Variants in LRP8 observed in about 807,000 individuals in gnomAD.
LRP8 encodes low-density lipoprotein receptor-related protein 8.
Under a neutral mutation model 111.6 loss-of-function variants are expected in LRP8, and 46 were observed. That is an observed-to-expected ratio of 0.41 (90% CI 0.33 to 0.53). The LOEUF is 0.53. Among genes scored for constraint, LRP8 ranks in the 20% least tolerant of loss-of-function variants. The probability of loss-of-function intolerance (pLI) is 0.20; values close to 1 mark genes in which losing one functional copy is unlikely to be tolerated. For missense variants in LRP8, 959 were observed against 1,297.4 expected, an observed-to-expected ratio of 0.74 and a Z score of 4.01; for synonymous variants, 464 against 511.2, an observed-to-expected ratio of 0.91 and a Z score of 1.24.
At position 53,325,250 on chromosome 1, in the gene LRP8, A is replaced by C. The variant is rs77946448; in HGVS notation, c.244+1623T>G. On this transcript the variant is annotated intron_variant, in intron 2 of 18. Coordinates refer to ENST00000306052, the MANE Select transcript of LRP8 (RefSeq NM_004631.5). The stretch of plus-strand genomic sequence containing the variant: ...ACTCTAGAGTTAGATGCTTAAGTTC[A>C]GGCTCCTACTTAACAACTCAGTAGC... Among the ~76,000 whole-genome samples the C allele has an allele frequency of 1.2e-4, 19 of 152,372 alleles. No individual in the cohort carries two copies. In the East Asian group the frequency reaches 3.7e-3, roughly 29 times the overall value.
intron 2 of LRP8, among the ~76,000 whole-genome samples, chr1:53,322,889 C>A (rs1654696809): frequency 6.6e-6 from 1 of 152,142 alleles, no homozygotes; most frequent in Non-Finnish European, 1.5e-5. Context: ...TGGCCTTGCC[C>A]AGCTAATGAA....
At position 53,279,761 on chromosome 1, in the gene LRP8, G is replaced by A. The variant is rs1472396100; in HGVS notation, c.496+826C>T. ...TGACCGCCCGTATTTCAGCCCAGCC[G>A]CACAGCCTAGTAGCGACAGCCAGTC... On this transcript the variant is annotated intron_variant, in intron 4 of 18. Transcript: ENST00000306052. This position sits in a 1 kb window ranked among gnomAD's most constrained non-coding sequence, Gnocchi z 4.4. Among the ~76,000 whole-genome samples the A allele has an allele frequency of 6.6e-6, 1 of 152,200 alleles. No individual in the cohort carries two copies. Among genetic ancestry groups the A allele is most frequent in the Non-Finnish European group, 1.5e-5 (1 of 68,022 alleles).
At position 53,264,173 on chromosome 1, in the gene LRP8, G is replaced by T. The variant is rs1180830600; in HGVS notation, c.1651C>A (p.Arg551=). Residue 551 remains arginine (R), a synonymous_variant, in exon 10 of 19, where the codon CGA becomes AGA. Transcript: ENST00000306052. ...AAGTTCAGTTGGGACACTCACCCTC[G>T]CAGGGGGTCAACAGCGATGGCCCGG... is the stretch of plus-strand genomic sequence containing the variant. ...EPRAIAVDPL[R]GFMYWSDWGD... is the part of the protein sequence containing the mutation. The T allele has an allele frequency of 2.5e-6, 4 of 1,613,984 alleles. No individual in the cohort carries two copies. The highest frequency in any genetic ancestry group is 3.3e-4 in the Middle Eastern group (2 of 6,060).
chr1:53,325,613 C>T (rs1455749300), intron 2 of LRP8, among the ~76,000 whole-genome samples: 2 of 152,220 alleles, frequency 1.3e-5, no homozygotes, highest in Non-Finnish European at 2.9e-5. Context: ...GACACAAAGC[C>T]AACTTTGGGT....
At chr1:53,324,834 AC>A (rs1480487760) in intron 2 of LRP8, among the ~76,000 whole-genome samples, 1 of 152,058 alleles carries the variant, frequency 6.6e-6, no homozygotes, top group Non-Finnish European at 1.5e-5. Context: ...TGCTTTCCGC[AC>A]CACACTCCCC....
chr1:53,285,591 A>G (rs556734850), intron 3 of LRP8, among the ~76,000 whole-genome samples: 1 of 152,162 alleles, frequency 6.6e-6, no homozygotes, highest in African/African-American at 2.4e-5. Context: ...ACCATATGGA[A>G]ATCCCTACAC....
chr1:53,308,195 C>T (rs1028384134), intron 2 of LRP8, among the ~76,000 whole-genome samples: 1 of 152,244 alleles, frequency 6.6e-6, no homozygotes, highest in Admixed American at 6.5e-5. Flanking sequence ...TTGCTGAGCC[C>T]TACTGTGCAG....
intron 13 of LRP8, 152 bp from the exon 14 acceptor site, chr1:53,258,623 TC>T: frequency 1.5e-6 from 1 of 666,406 alleles, no homozygotes; most frequent in Non-Finnish European, 2.5e-6. Context: ...TCTTTTTTTA[TC>T]CCCCAAAGCT....
Position 53,275,525 on chromosome 1 carries a change from A to C in LRP8, c.1006+106T>G. On this transcript the variant is annotated intron_variant, in intron 6 of 18. Transcript: ENST00000306052. The surrounding 1 kb of genome is among the most constrained non-coding windows in gnomAD (Gnocchi z 4.4). ...CAAGTGATGCTCTGGGGGAAAATGC[A>C]TCTTGGGGACCAAGGGGAAACTCCT... is the stretch of plus-strand genomic sequence containing the variant. The C allele has an allele frequency of 1.4e-6, 2 of 1,469,460 alleles. No individual in the cohort carries two copies. The highest frequency in any genetic ancestry group is 1.3e-5 in the South Asian group (1 of 78,702). 91.0% of individuals were successfully genotyped at this position (1,469,460 alleles called of 1,614,324 possible).
intron 1 of LRP8, chr1:53,327,315 G>C: frequency 3.4e-6 from 1 of 295,896 alleles, no homozygotes; most frequent in Non-Finnish European, 6.3e-6. Flanking sequence ...GGGAGTCCCC[G>C]CGCCCGCGCG....
chr1:53,320,390 T>C (rs541234399), intron 2 of LRP8, among the ~76,000 whole-genome samples: 12 of 152,120 alleles, frequency 7.9e-5, no homozygotes, highest in East Asian at 3.9e-4. Flanking sequence ...CCACCCAGAA[T>C]TGAGGACACC....
chr1:53,258,645 A>C (rs1469586141), intron 13 of LRP8, among the ~76,000 whole-genome samples, 174 bp from the exon 14 acceptor site: 1 of 151,000 alleles, frequency 6.6e-6, no homozygotes, highest in East Asian at 1.9e-4. Flanking sequence ...TTTGGGATAC[A>C]CGTTTTTTGT....
At position 53,247,801 on chromosome 1, in the gene LRP8, T is replaced by G. The variant is rs148451439; in HGVS notation, c.2854-745A>C. ...TTCTACATAGGACAACCCTTGAAATTTATAGATGGTGTTTGAATTCCCTTC... is the reference window on the plus strand; with the variant it reads ...TTCTACATAGGACAACCCTTGAAATGTATAGATGGTGTTTGAATTCCCTTC... On this transcript the variant is annotated intron_variant, in intron 18 of 18. Coordinates refer to ENST00000306052, the MANE Select transcript of LRP8 (RefSeq NM_004631.5). Among the ~76,000 whole-genome samples the G allele has an allele frequency of 7.9e-5, 12 of 152,370 alleles. No homozygotes were observed. In the East Asian group the frequency reaches 2.3e-3, roughly 29 times the overall value.
At chr1:53,264,513 G>T in intron 9 of LRP8, 117 bp from the exon 10 acceptor site, 1 of 804,530 alleles carries the variant, frequency 1.2e-6, no homozygotes, top group Non-Finnish European at 2.0e-6. Context: ...ATTTTTAGAG[G>T]AACGTGGATA....
intron 16 of LRP8, among the ~76,000 whole-genome samples, chr1:53,251,321 T>A (rs189059988): frequency 6.6e-6 from 1 of 152,198 alleles, no homozygotes; most frequent in African/African-American, 2.4e-5. Flanking sequence ...TCCCTAGATT[T>A]CTCTAAGAAA....
intron 16 of LRP8, among the ~76,000 whole-genome samples, chr1:53,254,567 C>G (rs1032360714): frequency 3.9e-5 from 6 of 152,082 alleles, no homozygotes; most frequent in Non-Finnish European, 8.8e-5. Context: ...GTGGGTCTCT[C>G]TAACAAGACT....
At chr1:53,322,888 C>T (rs1654696466) in intron 2 of LRP8, among the ~76,000 whole-genome samples, 1 of 152,128 alleles carries the variant, frequency 6.6e-6, no homozygotes, top group African/African-American at 2.4e-5. Context: ...CTGGCCTTGC[C>T]CAGCTAATGA....
At chr1:53,264,926 T>C (rs757696703) in intron 9 of LRP8, among the ~76,000 whole-genome samples, 212 of 152,054 alleles carry the variant, frequency 1.4e-3, no homozygotes, top group Non-Finnish European at 2.6e-3. Context: ...TGATGGGCTT[T>C]GAGTACCACG....
At chr1:53,311,449 C>T (rs1352597739) in intron 2 of LRP8, among the ~76,000 whole-genome samples, 3 of 152,186 alleles carry the variant, frequency 2.0e-5, no homozygotes, top group African/African-American at 7.2e-5. Context: ...CAAGCCCTGG[C>T]CACAAAGCGC....
Sources: gnomAD v4.1 joint callset for allele counts (sites outside exome capture counted in the v4.1 genomes callset) on GRCh38, gnomAD v4.1.1 for gene constraint, Gnocchi (gnomAD v3.1) non-coding constraint, MANE v1.5 for transcripts, NCBI Gene and HGNC (gene_info 2026-07-23, HGNC 2026-07-21) for gene names.